The following PLEKHN1 variants were observed in gnomAD, a reference collection of about 807,000 sequenced individuals.
PLEKHN1 encodes the protein pleckstrin homology domain-containing family N member 1.
A neutral mutation model predicts 72.8 loss-of-function variants in PLEKHN1; 68 were observed. The ratio of observed to expected loss-of-function variants is 0.93; its 90% CI spans 0.77 to 1.14. PLEKHN1 has a LOEUF of 1.14. Among genes scored for constraint, PLEKHN1 ranks in the 50% most tolerant of loss-of-function variants. The pLI is 0.00. For synonymous variants in PLEKHN1, 454 were observed against 371.6 expected (o/e 1.22, Z -2.55); for missense variants, 1,015 against 840.5 (o/e 1.21, Z -2.57).
rs1643534239 is a variant in PLEKHN1 at position 974,897 on chromosome 1, G to A, written c.*322G>A. The A allele has an allele frequency of 2.6e-6, 1 of 381,200 alleles. No homozygotes were observed. Among genetic ancestry groups the A allele is most frequent in the Non-Finnish European group, 4.8e-6 (1 of 206,292 alleles). 23.6% of individuals were successfully genotyped at this position (381,200 alleles called of 1,614,324 possible). The stretch of plus-strand genomic sequence containing the variant: ...GGGAGGAGACTCGCTGGGAGTGGGA[G>A]GGCAGCACGGGCGTGAAGGTCGGAG... On this transcript the variant is annotated 3_prime_UTR_variant, in exon 16 of 16. Transcript: ENST00000379410.
Position 975,116 on chromosome 1 carries a change from G to A in PLEKHN1, c.*541G>A, listed in dbSNP as rs531516036. 3 of 152,708 alleles carry A rather than the reference G, an allele frequency of 2.0e-5. No homozygotes were observed. The highest frequency in any genetic ancestry group is 2.1e-4 in the South Asian group (1 of 4,836). 9.5% of individuals were successfully genotyped at this position (152,708 alleles called of 1,614,324 possible). A position where few individuals can be genotyped will look rare whatever the true frequency, so the allele number is the denominator to read the frequency against. ...CGGACGAGAAAGAAAAAAGAGAGAA[G>A]AGAGAGAGGAGAAGAGAGAAAAGAA... On this transcript the variant is annotated 3_prime_UTR_variant, in exon 16 of 16. Coordinates refer to ENST00000379410, the MANE Select transcript of PLEKHN1 (RefSeq NM_032129.3).
chr1:971,797 T>G (rs978241602), intron 8 of PLEKHN1, among the ~76,000 whole-genome samples: 25 of 152,076 alleles, frequency 1.6e-4, no homozygotes, highest in African/African-American at 4.8e-4. Flanking sequence ...CACAGGGCCC[T>G]CCCCATGGTT....
Position 973,561 on chromosome 1 carries a change from A to G in PLEKHN1, c.1355A>G (p.His452Arg), listed in dbSNP as rs1643452876. Residue 452 changes from histidine (H) to arginine (R), a missense_variant, in exon 13 of 16, where the codon CAC becomes CGC. Transcript: ENST00000379410. The part of the protein sequence containing the change: ...DAPDHTSETS[H>R]SPLYADPYTP... ...CCTGACCACACTTCGGAAACATCAC[A>G]CTCGCCCCTCTATGCCGACCCCTAC... is the stretch of plus-strand genomic sequence containing the variant. The G allele has an allele frequency of 3.1e-6, 5 of 1,612,290 alleles. No homozygotes were observed. The highest frequency in any genetic ancestry group is 4.2e-6 in the Non-Finnish European group (5 of 1,179,766).
intron 9 of PLEKHN1, 49 bp from the exon 10 acceptor site, chr1:972,239 G>A (rs376069431): frequency 7.7e-5 from 124 of 1,600,762 alleles, no homozygotes; most frequent in East Asian, 2.9e-4. Context: ...TAGTGGGGGC[G>A]CTGAGGGGTG....
chr1:972,161 G>T lies in PLEKHN1; in HGVS notation c.865+11G>T. On this transcript the variant is annotated intron_variant, in intron 9 of 15. Coordinates refer to ENST00000379410, the MANE Select transcript of PLEKHN1 (RefSeq NM_032129.3). Reference sequence around the variant, plus strand: ...CCTTCCTGATTGAAGGTAGGGCCCTGACCCTGGTTCTGCCTCCCGCCTGGC... The same window carrying T: ...CCTTCCTGATTGAAGGTAGGGCCCTTACCCTGGTTCTGCCTCCCGCCTGGC... 6.2e-7 allele frequency: 1 copy of T among 1,612,516 alleles called. No homozygotes were observed. The highest frequency in any genetic ancestry group is 8.5e-7 in the Non-Finnish European group (1 of 1,179,592).
At chr1:974,078 G>A (rs1643490273) in intron 14 of PLEKHN1, 27 bp downstream of exon 14, 5 of 1,550,136 alleles carry the variant, frequency 3.2e-6, no homozygotes, top group African/African-American at 1.4e-5. Context: ...ACGCCCGTGT[G>A]CCCCGGGCTC....
In PLEKHN1 at chr1:971,354, C is replaced by G; in HGVS notation, c.739C>G (p.Pro247Ala). The G allele has an allele frequency of 6.3e-7, 1 of 1,590,524 alleles. No homozygotes were observed. Among genetic ancestry groups the G allele is most frequent in the Non-Finnish European group, 8.5e-7 (1 of 1,169,626 alleles). The change falls in exon 8 of 16, where the codon CCA (proline) becomes GCA (alanine). Residue 247 changes from proline to alanine, a missense_variant. Physicochemically the swap from Pro to Ala is conservative, Grantham distance 27. Transcript: ENST00000379410. ...GTGGGACCGGCTCTTGGTCCTGTAC[C>G]CAACGTCCTTGGCCATTTTCTCCGA... ...EQWDRLLVLY[P>A]TSLAIFSEEL... is the part of the protein sequence containing the mutation.
chr1:971,122 A>ACCCGG lies in PLEKHN1; in HGVS notation c.624_628dup (p.Leu210ProfsTer79). On this transcript the variant is annotated frameshift_variant, in exon 7 of 16. Coordinates refer to ENST00000379410, the MANE Select transcript of PLEKHN1 (RefSeq NM_032129.3). LOFTEE classifies it high-confidence loss of function. Reference sequence around the variant, plus strand: ...CCCCTGGACTTTGCAGCGCCGTCTAACCCGGCTGCGGACGGCGTCAGGGCA... The same window carrying ACCCGG: ...CCCCTGGACTTTGCAGCGCCGTCTAACCCGGCCCGGCTGCGGACGGCGTCAGGGCA... 1.1e-5 allele frequency: 18 copies of ACCCGG among 1,598,758 alleles called. No homozygotes were observed. Among genetic ancestry groups the ACCCGG allele is most frequent in the Non-Finnish European group, 1.4e-5 (17 of 1,173,480 alleles).
chr1:968,644 G>A (rs1169673736), intron 2 of PLEKHN1, among the ~76,000 whole-genome samples: 1 of 152,228 alleles, frequency 6.6e-6, no homozygotes, highest in Non-Finnish European at 1.5e-5. Flanking sequence ...CAGTGAGCGG[G>A]GTCAGGTCGG....
chr1:973,877 C>T lies in PLEKHN1; in HGVS notation c.1479C>T (p.Ser493=). ...MQSARGPTPS[S]PLPSVPVSVP... ...GTGCACGTGGACCCACGCCCTCGAG[C>T]CCACTCCCCTCGGTGCCTGTGTCTG... is the stretch of plus-strand genomic sequence containing the variant. The change falls in exon 14 of 16, where the codon AGC becomes AGT. Residue 493 remains serine, a synonymous_variant. Transcript: ENST00000379410. 1 of 1,610,932 alleles carries T rather than the reference C, an allele frequency of 6.2e-7. No individual in the cohort carries two copies.
At position 970,396 on chromosome 1, in the gene PLEKHN1, G is replaced by A. The variant is rs1469636582; in HGVS notation, c.303G>A (p.Lys101=). ...TGGGAAAAGTTGTGCATTACGCCAAGGTCCAGCTGCGGTTCCAGCACAGCC... is the reference window on the plus strand; with the variant it reads ...TGGGAAAAGTTGTGCATTACGCCAAAGTCCAGCTGCGGTTCCAGCACAGCC... The part of the protein sequence containing the change: ...RNLGKVVHYA[K]VQLRFQHSQD... The change falls in exon 3 of 16, where the codon AAG becomes AAA. Residue 101 remains lysine (K), a synonymous_variant. Coordinates refer to ENST00000379410, the MANE Select transcript of PLEKHN1 (RefSeq NM_032129.3). This position sits in a 1 kb window ranked among gnomAD's most constrained non-coding sequence, Gnocchi z 4.2. 1 of 1,613,516 alleles carries A rather than the reference G, an allele frequency of 6.2e-7. No homozygotes were observed. Among genetic ancestry groups the A allele is most frequent in the African/African-American group, 1.3e-5 (1 of 75,010 alleles).
rs1643529331 is a variant in PLEKHN1, at chr1:974,796, A to G, written c.*221A>G. 16 of 636,178 alleles carry G rather than the reference A, an allele frequency of 2.5e-5. No individual in the cohort carries two copies. The South Asian group carries it at 3.3e-4, about 13-fold the overall frequency. 39.4% of individuals were successfully genotyped at this position (636,178 alleles called of 1,614,324 possible). A position where few individuals can be genotyped will look rare whatever the true frequency, so the allele number is the denominator to read the frequency against. On this transcript the variant is annotated 3_prime_UTR_variant, in exon 16 of 16. Coordinates refer to ENST00000379410, the MANE Select transcript of PLEKHN1 (RefSeq NM_032129.3). Reference sequence around the variant, plus strand: ...GCCCCATCCAAAGGATGCCCTGGCCAGCGAGGCTGGGTCACAGGTCAGGGA... The same window carrying G: ...GCCCCATCCAAAGGATGCCCTGGCCGGCGAGGCTGGGTCACAGGTCAGGGA...
chr1:972,542 G>T, intron 10 of PLEKHN1, 118 bp downstream of exon 10: 1 of 1,274,170 alleles, frequency 7.8e-7, no homozygotes, highest in Non-Finnish European at 1.1e-6. Context: ...GAGGCGGGCG[G>T]ATCATTTGAG....
rs1406953058 is a variant in PLEKHN1 at position 975,481 on chromosome 1, A to T, written c.*906A>T. 1 of 152,164 alleles carries T rather than the reference A, an allele frequency of 6.6e-6. No homozygotes were observed. Among genetic ancestry groups the T allele is most frequent in the East Asian group, 1.9e-4 (1 of 5,184 alleles). 9.4% of individuals were successfully genotyped at this position (152,164 alleles called of 1,614,324 possible). A position where few individuals can be genotyped will look rare whatever the true frequency, so the allele number is the denominator to read the frequency against. On this transcript the variant is annotated 3_prime_UTR_variant, in exon 16 of 16. Coordinates refer to ENST00000379410, the MANE Select transcript of PLEKHN1 (RefSeq NM_032129.3). ...GCACCTGCACCCAGGGCTCCCGGGG[A>T]GGGGCTCGCGGCTCTGCCACAGACC...
chr1:973,040 TG>T, intron 11 of PLEKHN1, 30 bp downstream of exon 11: 2 of 1,583,288 alleles, frequency 1.3e-6, no homozygotes, highest in South Asian at 1.1e-5. Flanking sequence ...CAGACGAAAG[TG>T]GGGCAGAAGG....
intron 7 of PLEKHN1, 37 bp downstream of exon 7, chr1:971,245 AG>A (rs1355780141): frequency 7.7e-6 from 12 of 1,558,338 alleles, no homozygotes; most frequent in Non-Finnish European, 9.6e-6. Context: ...GGGGGATGGG[AG>A]GGGTGCATGG....
rs1643441820 is a variant in PLEKHN1, at chr1:973,406, G to A, written c.1293+80G>A. 1.9e-6 allele frequency: 3 copies of A among 1,566,206 alleles called. No homozygotes were observed. The South Asian group carries it at 3.5e-5, about 18-fold the overall frequency. Reference sequence around the variant, plus strand: ...CTGGTCTCTGTCTCTGGGCCCAGTTGTCCTGGAGCCACCCAGAGGCCTCTT... The same window carrying A: ...CTGGTCTCTGTCTCTGGGCCCAGTTATCCTGGAGCCACCCAGAGGCCTCTT... On this transcript the variant is annotated intron_variant, in intron 12 of 15. Coordinates refer to ENST00000379410, the MANE Select transcript of PLEKHN1 (RefSeq NM_032129.3).
chr1:967,211 C>T (rs1643046787), intron 2 of PLEKHN1, among the ~76,000 whole-genome samples: 1 of 152,200 alleles, frequency 6.6e-6, no homozygotes, highest in African/African-American at 2.4e-5. Flanking sequence ...CCCTGGGTGT[C>T]CCGCAGGAAG....
In PLEKHN1 at chr1:970,286, G is replaced by T; in HGVS notation, c.193G>T (p.Asp65Tyr). The change falls in exon 3 of 16, where the codon GAC (aspartate) becomes TAC (tyrosine). Residue 65 changes from aspartate (D) to tyrosine (Y), a missense_variant. Transcript: ENST00000379410. The surrounding 1 kb of genome is among the most constrained non-coding windows in gnomAD (Gnocchi z 4.2). ...FHYIPGTDIL[D>Y]LENQRENLEQ... ...GCTCTACTCCTCCTAGGACATCCTGGACCTGGAGAACCAGCGAGAAAACCT... is the reference window on the plus strand; with the variant it reads ...GCTCTACTCCTCCTAGGACATCCTGTACCTGGAGAACCAGCGAGAAAACCT... 1 of 1,613,094 alleles carries T rather than the reference G, an allele frequency of 6.2e-7. No homozygotes were observed. Among genetic ancestry groups the T allele is most frequent in the Non-Finnish European group, 8.5e-7 (1 of 1,179,898 alleles).
Sources: allele counts gnomAD v4.1 joint callset (sites outside exome capture counted in the v4.1 genomes callset), GRCh38; gene constraint gnomAD v4.1.1; non-coding constraint Gnocchi (gnomAD v3.1); transcripts MANE v1.5; gene names NCBI Gene and HGNC (gene_info 2026-07-23, HGNC 2026-07-21).